ABTB2: variants seen among roughly 807,000 people sequenced by gnomAD.
ABTB2 encodes ankyrin repeat and BTB/POZ domain-containing protein 2.
ABTB2 carries 56 observed loss-of-function variants against 104.1 expected under a neutral mutation model. The observed-to-expected ratio is 0.54, with a 90% CI of 0.43 to 0.67. The LOEUF is 0.67. Ranked by LOEUF, ABTB2 falls within the 30% of genes least tolerant of loss-of-function variation. The pLI is 0.00. For synonymous variants in ABTB2, 606 were observed against 608.2 expected (o/e 1.00, Z 0.05); for missense variants, 1,279 against 1,407.7 (o/e 0.91, Z 1.46).
At chr11:34,334,279 C>A (rs1239572554) in intron 1 of ABTB2, among the ~76,000 whole-genome samples, 1 of 152,164 alleles carries the variant, frequency 6.6e-6, no homozygotes, top group Non-Finnish European at 1.5e-5. Flanking sequence ...TGCCTAAGAC[C>A]TGCCCCAACC....
chr11:34,293,517 A>G (rs552556701), intron 1 of ABTB2, among the ~76,000 whole-genome samples: 46 of 152,302 alleles, frequency 3.0e-4, no homozygotes, highest in African/African-American at 1.1e-3. Context: ...GGGGCTGAGA[A>G]GGAGAAGCCA....
At position 34,152,266 on chromosome 11, in the gene ABTB2, TG is replaced by T. The variant is rs2132995585; in HGVS notation, c.*120del. On this transcript the variant is annotated 3_prime_UTR_variant, in exon 17 of 17. Coordinates refer to ENST00000435224, the MANE Select transcript of ABTB2 (RefSeq NM_145804.3). ...GCTGCCCGGTGACAGGGGGGACATCTGGGGGAGGAGGAGGAAACAGCCCCGT... is the reference window on the plus strand; with the variant it reads ...GCTGCCCGGTGACAGGGGGGACATCTGGGGAGGAGGAGGAAACAGCCCCGT... The T allele has an allele frequency of 1.8e-6, 2 of 1,119,236 alleles. No individual in the cohort carries two copies. Among genetic ancestry groups the T allele is most frequent in the Non-Finnish European group, 1.3e-6 (1 of 798,786 alleles). The allele number at this position is 1,119,236 out of a possible 1,614,324, so 69.3% of individuals were successfully genotyped here. A position where few individuals can be genotyped will look rare whatever the true frequency, so the allele number is the denominator to read the frequency against.
At chr11:34,337,122 A>C (rs922715301) in intron 1 of ABTB2, among the ~76,000 whole-genome samples, 4 of 152,232 alleles carry the variant, frequency 2.6e-5, no homozygotes, top group African/African-American at 7.2e-5. Context: ...AAGTGAGTGG[A>C]TTCGGATGAG....
chr11:34,267,367 C>T (rs1854264286), intron 1 of ABTB2, among the ~76,000 whole-genome samples: 1 of 152,146 alleles, frequency 6.6e-6, no homozygotes. Context: ...CCCTGGCATT[C>T]TCTTTCCTGG....
In ABTB2 at chr11:34,307,702, T is replaced by C. The variant is rs796532468; in HGVS notation, c.883+48999A>G. On this transcript the variant is annotated intron_variant, in intron 1 of 16. Coordinates refer to ENST00000435224, the MANE Select transcript of ABTB2 (RefSeq NM_145804.3). ...GGCCTCATAGTTAGGTGACTCTCTG[T>C]TTTTTTTTTTTTTTGAGACGGAGTC... Among the ~76,000 whole-genome samples the C allele has an allele frequency of 7.6e-4, 42 of 55,532 alleles. No homozygotes were observed. In the African/African-American group the frequency reaches 0.015, roughly 20 times the overall value. The allele number at this position is 55,532 out of a possible 152,430, so 36.4% of individuals were successfully genotyped here.
At chr11:34,320,821 C>T (rs555266745) in intron 1 of ABTB2, among the ~76,000 whole-genome samples, 1 of 152,332 alleles carries the variant, frequency 6.6e-6, no homozygotes, top group African/African-American at 2.4e-5. Context: ...TCCCCAATAC[C>T]ATTTGTATCT....
At chr11:34,246,077 C>T (rs1194133029) in intron 1 of ABTB2, among the ~76,000 whole-genome samples, 5 of 152,180 alleles carry the variant, frequency 3.3e-5, no homozygotes, top group East Asian at 1.9e-4. Context: ...ATATGAGGGG[C>T]GTGGGGCCTG....
chr11:34,204,504 G>A (rs753264378), intron 2 of ABTB2, 40 bp downstream of exon 2: 92 of 1,533,642 alleles, frequency 6.0e-5, no homozygotes, highest in Non-Finnish European at 7.5e-5. Context: ...AGACCTCGCC[G>A]TTGCTCTACC....
chr11:34,273,836 A>C (rs1854349718), intron 1 of ABTB2, among the ~76,000 whole-genome samples: 1 of 152,144 alleles, frequency 6.6e-6, no homozygotes, highest in African/African-American at 2.4e-5. Context: ...AATAATTATA[A>C]CAAGTGAGAC....
chr11:34,185,230 C>A (rs1303365912), intron 3 of ABTB2, among the ~76,000 whole-genome samples: 1 of 152,136 alleles, frequency 6.6e-6, no homozygotes, highest in Non-Finnish European at 1.5e-5. Context: ...GCTCTTGAAG[C>A]CTGATATGAG....
intron 1 of ABTB2, among the ~76,000 whole-genome samples, chr11:34,314,567 G>A (rs1413396871): frequency 1.3e-5 from 2 of 152,212 alleles, no homozygotes; most frequent in Non-Finnish European, 2.9e-5. Flanking sequence ...GCACACAGCT[G>A]CAAGGGAGAG....
chr11:34,287,244 T>C (rs1206733933), intron 1 of ABTB2, among the ~76,000 whole-genome samples: 3 of 150,370 alleles, frequency 2.0e-5, no homozygotes, highest in African/African-American at 4.9e-5. Context: ...TCAAATTTAC[T>C]GTATGATAAT....
intron 1 of ABTB2, among the ~76,000 whole-genome samples, chr11:34,233,307 A>C (rs2133058354): frequency 6.7e-6 from 1 of 149,910 alleles, no homozygotes; most frequent in East Asian, 2.0e-4. Context: ...GCAGAAGGGA[A>C]ATGGCATGAT....
chr11:34,186,419 G>T (rs1853100269), intron 3 of ABTB2, among the ~76,000 whole-genome samples: 2 of 152,226 alleles, frequency 1.3e-5, no homozygotes, highest in Non-Finnish European at 2.9e-5. Context: ...CCCATCCTGA[G>T]GGTCTGAATG....
chr11:34,267,252 T>C (rs1484998288), intron 1 of ABTB2, among the ~76,000 whole-genome samples: 1 of 152,192 alleles, frequency 6.6e-6, no homozygotes, highest in East Asian at 1.9e-4. Context: ...AAGCCAATGC[T>C]GGTGGAATTC....
intron 1 of ABTB2, among the ~76,000 whole-genome samples, chr11:34,277,625 T>TA (rs373909390): frequency 1 from 148,267 of 148,704 alleles, 73,915 homozygotes; most frequent in East Asian, 1. Flanking sequence ...TCTACAAAAA[T>TA]CAAAAATTAG....
At chr11:34,218,666 A>G (rs1018918911) in intron 1 of ABTB2, among the ~76,000 whole-genome samples, 2 of 151,946 alleles carry the variant, frequency 1.3e-5, no homozygotes, top group Non-Finnish European at 2.9e-5. Context: ...CCTGACTAAC[A>G]TGGAGAAACC....
In ABTB2 at chr11:34,327,741, C is replaced by T. The variant is rs181694502; in HGVS notation, c.883+28960G>A. On this transcript the variant is annotated intron_variant, in intron 1 of 16. Transcript: ENST00000435224. ...TCCACTCTTCCCCCTCTCCCAGATACGTTTCTCCCAAGAGAAACTTACAGA... is the reference window on the plus strand; with the variant it reads ...TCCACTCTTCCCCCTCTCCCAGATATGTTTCTCCCAAGAGAAACTTACAGA... Among the ~76,000 whole-genome samples, 402 of 152,258 alleles carry T rather than the reference C, an allele frequency of 2.6e-3. 4 individuals are homozygous for T. The highest frequency in any genetic ancestry group is 8.9e-3 in the African/African-American group (371 of 41,544).
chr11:34,227,018 C>A (rs1478262820), intron 1 of ABTB2, among the ~76,000 whole-genome samples: 1 of 152,052 alleles, frequency 6.6e-6, no homozygotes, highest in Non-Finnish European at 1.5e-5. Flanking sequence ...GCTGAGATGG[C>A]ACCACTGCCC....
Sources: gnomAD v4.1 joint callset for allele counts (sites outside exome capture counted in the v4.1 genomes callset) on GRCh38, gnomAD v4.1.1 for gene constraint, MANE v1.5 for transcripts, NCBI Gene and HGNC (gene_info 2026-07-23, HGNC 2026-07-21) for gene names.